Variants in CREBBP observed in about 807,000 individuals in gnomAD.
CREBBP encodes the protein CREB binding lysine acetyltransferase.
CREBBP carries 19 observed loss-of-function variants against 265.0 expected under a neutral mutation model. That is an observed-to-expected ratio of 0.07 (90% CI 0.05 to 0.11). CREBBP has a LOEUF of 0.11. Among genes scored for constraint, CREBBP ranks in the 10% least tolerant of loss-of-function variants. The probability of loss-of-function intolerance (pLI) is 1.00; values close to 1 mark genes in which losing one functional copy is unlikely to be tolerated. For missense variants in CREBBP, 2,525 were observed against 3,219.0 expected, an observed-to-expected ratio of 0.78 and a Z score of 5.22; for synonymous variants, 1,457 against 1,223.7, an observed-to-expected ratio of 1.19 and a Z score of -3.98.
At chr16:3,849,426 T>TGG (rs1567360072) in intron 2 of CREBBP, among the ~76,000 whole-genome samples, 3 of 7,768 alleles carry the variant, frequency 3.9e-4, no homozygotes, top group Admixed American at 2.3e-3. Flanking sequence ...TGTGTGTGTG[T>TGG]GTGTGTGTGT....
chr16:3,872,749 G>A (rs547196635), intron 1 of CREBBP, among the ~76,000 whole-genome samples: 6 of 152,338 alleles, frequency 3.9e-5, no homozygotes, highest in African/African-American at 9.6e-5. Context: ...GGCCTACAAC[G>A]ATACCCCAGG....
chr16:3,784,365 A>C (rs2053340421), intron 5 of CREBBP: 1 of 152,226 alleles, frequency 6.6e-6, no homozygotes, highest in Non-Finnish European at 1.5e-5. Context: ...TACATACACC[A>C]AGCACTCATT....
At chr16:3,788,107 C>T (rs571808348) in intron 5 of CREBBP, among the ~76,000 whole-genome samples, 3 of 152,290 alleles carry the variant, frequency 2.0e-5, no homozygotes, top group East Asian at 1.9e-4. Context: ...CGGGACAGTG[C>T]GTGCATTAGG....
chr16:3,844,097 G>A (rs1361175950), intron 2 of CREBBP, among the ~76,000 whole-genome samples: 5 of 131,174 alleles, frequency 3.8e-5, no homozygotes, highest in South Asian at 2.4e-4. Context: ...GCAGTGAGCC[G>A]AGATCCCGCC....
At chr16:3,785,171 C>T (rs1380535841) in intron 5 of CREBBP, among the ~76,000 whole-genome samples, 1 of 152,138 alleles carries the variant, frequency 6.6e-6, no homozygotes, top group East Asian at 1.9e-4. Flanking sequence ...TATGTATAAG[C>T]CACCATCAAC....
At chr16:3,802,250 C>T (rs1284557813) in intron 3 of CREBBP, among the ~76,000 whole-genome samples, 1 of 149,250 alleles carries the variant, frequency 6.7e-6, no homozygotes, top group African/African-American at 2.5e-5. Flanking sequence ...TCCTGTCTCA[C>T]CCTCCCAAGT....
At chr16:3,805,951 A>G (rs1697529443) in intron 3 of CREBBP, among the ~76,000 whole-genome samples, 1 of 152,256 alleles carries the variant, frequency 6.6e-6, no homozygotes, top group Non-Finnish European at 1.5e-5. Flanking sequence ...AAATTGAGAA[A>G]GAAAAAAGCT....
intron 19 of CREBBP, among the ~76,000 whole-genome samples, chr16:3,756,370 G>T (rs186352535): frequency 3.3e-5 from 5 of 152,276 alleles, no homozygotes; most frequent in African/African-American, 9.6e-5. Context: ...TACACGCTGC[G>T]GTACAGATAA....
At chr16:3,785,755 G>A (rs2053371942) in intron 5 of CREBBP, among the ~76,000 whole-genome samples, 4 of 152,162 alleles carry the variant, frequency 2.6e-5, no homozygotes, top group Admixed American at 2.0e-4. Context: ...TGTCAAGGCC[G>A]TGTGCTCATT....
At chr16:3,761,588 C>T in intron 16 of CREBBP, 4 of 518,690 alleles carry the variant, frequency 7.7e-6, no homozygotes, top group Non-Finnish European at 1.2e-5. Flanking sequence ...CCAACCTCCG[C>T]AGACACCGCC....
chr16:3,759,915 C>G (rs550441348), intron 16 of CREBBP, among the ~76,000 whole-genome samples: 1 of 152,156 alleles, frequency 6.6e-6, no homozygotes, highest in Non-Finnish European at 1.5e-5. Flanking sequence ...AGTATGGGAA[C>G]AGGTGCCAGG....
rs1475892425 is a variant in CREBBP, at chr16:3,728,628, T to C, written c.6419A>G (p.Gln2140Arg). 1.9e-6 allele frequency: 3 copies of C among 1,613,662 alleles called. No individual in the cohort carries two copies. The East Asian group carries it at 6.7e-5, about 36-fold the overall frequency. Reference protein sequence around the residue: ...QPGMHQQPSLQNLNAMQAGVP... With the variant: ...QPGMHQQPSLRNLNAMQAGVP... ...GCCAGCCTGCATGGCATTCAGGTTC[T>C]GCAGGCTGGGCTGCTGGTGCATGCC... Residue 2140 changes from glutamine to arginine, a missense_variant, in exon 31 of 31, where the codon CAG (glutamine) becomes CGG (arginine). Gln to Arg is a conservative substitution (Grantham distance 43). This residue lies in a region of CREBBP where 473 missense variants were observed against 459.3 expected (regional missense o/e 1.03). Coordinates refer to ENST00000262367, the MANE Select transcript of CREBBP (RefSeq NM_004380.3). This position sits in a 1 kb window ranked among gnomAD's most constrained non-coding sequence, Gnocchi z 8.7.
intron 3 of CREBBP, among the ~76,000 whole-genome samples, chr16:3,802,856 C>G (rs987161525): frequency 1.3e-5 from 2 of 152,148 alleles, no homozygotes; most frequent in Non-Finnish European, 2.9e-5. Context: ...ACCTGGAAAC[C>G]TGACTCCTCC....
chr16:3,807,001 C>T (rs2053843488), intron 3 of CREBBP, among the ~76,000 whole-genome samples: 1 of 152,192 alleles, frequency 6.6e-6, no homozygotes, highest in Non-Finnish European at 1.5e-5. Context: ...ACAATCTGAA[C>T]CGCTGAGTGC....
intron 1 of CREBBP, among the ~76,000 whole-genome samples, chr16:3,874,543 C>T (rs2055361521): frequency 6.6e-6 from 1 of 152,202 alleles, no homozygotes; most frequent in Non-Finnish European, 1.5e-5. Flanking sequence ...GAAATGGCAG[C>T]CTTGAGTAGT....
intron 2 of CREBBP, among the ~76,000 whole-genome samples, chr16:3,850,042 G>C (rs1184533553): frequency 6.6e-6 from 1 of 152,154 alleles, no homozygotes; most frequent in Non-Finnish European, 1.5e-5. Flanking sequence ...CAGGTTCACG[G>C]ACACATTAGG....
chr16:3,861,012 C>G (rs528645280), intron 1 of CREBBP, among the ~76,000 whole-genome samples: 3 of 152,232 alleles, frequency 2.0e-5, no homozygotes, highest in Admixed American at 2.0e-4. Flanking sequence ...GTGGCTCATG[C>G]CTGTAATCCC....
intron 21 of CREBBP, among the ~76,000 whole-genome samples, chr16:3,748,781 CT>C (rs1483447850): frequency 6.6e-6 from 1 of 152,202 alleles, no homozygotes; most frequent in Non-Finnish European, 1.5e-5. Context: ...TGAAAAAAAT[CT>C]GAAGTCTCTT....
intron 16 of CREBBP, among the ~76,000 whole-genome samples, chr16:3,764,032 G>A (rs1399136272): frequency 6.6e-6 from 1 of 151,986 alleles, no homozygotes; most frequent in East Asian, 1.9e-4. Flanking sequence ...CAAAGGAAAA[G>A]AAAGCCAACA....
Sources: gnomAD v4.1 joint callset for allele counts (sites outside exome capture counted in the v4.1 genomes callset) on GRCh38, gnomAD v4.1.1 for gene constraint, gnomAD v4.1.1 regional missense constraint, Gnocchi (gnomAD v3.1) non-coding constraint, MANE v1.5 for transcripts, NCBI Gene and HGNC (gene_info 2026-07-23, HGNC 2026-07-21) for gene names.